Variants in DSCAML1 observed in about 807,000 individuals in gnomAD.
DSCAML1 encodes DS cell adhesion molecule like 1.
A neutral mutation model predicts 200.5 loss-of-function variants in DSCAML1; 38 were observed. The ratio of observed to expected loss-of-function variants is 0.19; its 90% confidence interval spans 0.15 to 0.25. The LOEUF (loss-of-function observed/expected upper bound fraction) is 0.25. DSCAML1 is among the 10% of genes least tolerant of loss of function. The pLI, the probability that DSCAML1 is intolerant of heterozygous loss-of-function variation, is 1.00. For synonymous variants in DSCAML1, 1,215 were observed against 1,165.0 expected, an observed-to-expected ratio of 1.04 and a Z score of -0.87; for missense variants, 2,223 against 2,858.8, an observed-to-expected ratio of 0.78 and a Z score of 5.07.
chr11:117,806,965 C>T (rs2055711494), intron 1 of DSCAML1, among the ~76,000 whole-genome samples: 1 of 152,236 alleles, frequency 6.6e-6, no homozygotes, highest in Non-Finnish European at 1.5e-5. Flanking sequence ...TACATAATTT[C>T]ATCCATTGAT....
In DSCAML1 at chr11:117,654,983, C is replaced by T. The variant is rs75136970; in HGVS notation, c.511+121808G>A. On this transcript the variant is annotated intron_variant, in intron 3 of 32. Coordinates refer to ENST00000651296, the MANE Select transcript of DSCAML1 (RefSeq NM_020693.4). ...CGAAACAGAAAACCCTCTGCCCACG[C>T]TTGTCTCCCAGCCCTGATGCCAGAT... Among the ~76,000 whole-genome samples, 363 of 152,354 alleles carry T rather than the reference C, an allele frequency of 2.4e-3. 1 individual carries two copies. Among genetic ancestry groups the T allele is most frequent in the African/African-American group, 8.4e-3 (350 of 41,580 alleles).
intron 3 of DSCAML1, among the ~76,000 whole-genome samples, chr11:117,612,430 T>C (rs1264246498): frequency 1.3e-5 from 2 of 152,188 alleles, no homozygotes; most frequent in Non-Finnish European, 2.9e-5. Flanking sequence ...TGCTTCCTTC[T>C]CCTGCCTCCC....
At chr11:117,666,989 T>C (rs778160475) in intron 3 of DSCAML1, among the ~76,000 whole-genome samples, 2 of 152,148 alleles carry the variant, frequency 1.3e-5, no homozygotes, top group African/African-American at 4.8e-5. Flanking sequence ...CAGGTGTTAG[T>C]GGCCTGGTCT....
At chr11:117,743,286 C>T (rs575425623) in intron 3 of DSCAML1, among the ~76,000 whole-genome samples, 110 of 152,230 alleles carry the variant, frequency 7.2e-4, no homozygotes, top group African/African-American at 2.5e-3. Context: ...AGCAAGGGTG[C>T]CCTGCAGGAA....
chr11:117,594,242 G>T (rs965585180), intron 3 of DSCAML1, among the ~76,000 whole-genome samples: 1 of 152,222 alleles, frequency 6.6e-6, no homozygotes. Context: ...GTCTCCTGTT[G>T]TTTCTCAGTG....
At chr11:117,622,108 C>A (rs1723638389) in intron 3 of DSCAML1, among the ~76,000 whole-genome samples, 1 of 152,080 alleles carries the variant, frequency 6.6e-6, no homozygotes, top group Non-Finnish European at 1.5e-5. Flanking sequence ...TGGATGTTTG[C>A]CAAAATGAGG....
chr11:117,458,213 C>T (rs927855785), intron 19 of DSCAML1, among the ~76,000 whole-genome samples: 1 of 152,130 alleles, frequency 6.6e-6, no homozygotes, highest in Non-Finnish European at 1.5e-5. Flanking sequence ...TGAGTCTGGC[C>T]CTCTGTCTCT....
At chr11:117,509,202 T>C (rs1309846046) in intron 8 of DSCAML1, among the ~76,000 whole-genome samples, 1 of 152,048 alleles carries the variant, frequency 6.6e-6, no homozygotes, top group Non-Finnish European at 1.5e-5. Context: ...TGGGGGTGAC[T>C]GCAGCTTCAT....
chr11:117,626,062 A>T (rs1414535313), intron 3 of DSCAML1, among the ~76,000 whole-genome samples: 1 of 152,212 alleles, frequency 6.6e-6, no homozygotes, highest in African/African-American at 2.4e-5. Context: ...GGTTTCCCAC[A>T]GGCCTCTGGG....
intron 3 of DSCAML1, among the ~76,000 whole-genome samples, chr11:117,720,180 C>G (rs74621718): frequency 0.039 from 5,919 of 152,216 alleles, 218 homozygotes; most frequent in African/African-American, 0.098. Flanking sequence ...GCCCGCACAG[C>G]CCACTCATAA....
chr11:117,777,235 G>A (rs140525033), intron 2 of DSCAML1, among the ~76,000 whole-genome samples: 360 of 152,230 alleles, frequency 2.4e-3, no homozygotes, highest in African/African-American at 8.1e-3. Flanking sequence ...TTCCCATTTC[G>A]GTATTAGCAA....
At chr11:117,656,347 G>A (rs2052734891) in intron 3 of DSCAML1, among the ~76,000 whole-genome samples, 1 of 152,208 alleles carries the variant, frequency 6.6e-6, no homozygotes, top group African/African-American at 2.4e-5. Context: ...TAGGAACTGA[G>A]CTCCTCTGAG....
At chr11:117,746,932 T>C (rs1200066921) in intron 3 of DSCAML1, among the ~76,000 whole-genome samples, 2 of 152,138 alleles carry the variant, frequency 1.3e-5, no homozygotes, top group African/African-American at 4.8e-5. Context: ...CAGCACAAAA[T>C]AACACTGGGT....
chr11:117,428,137 G>A lies in DSCAML1; in HGVS notation c.*191C>T, dbSNP rs1274743845. ...CAAATTCTTTGTGCCCTGGCTTCAT[G>A]GAGAAGAAGAAAATAGTTTCATTTG... On this transcript the variant is annotated 3_prime_UTR_variant, in exon 33 of 33. Coordinates refer to ENST00000651296, the MANE Select transcript of DSCAML1 (RefSeq NM_020693.4). 2 of 526,396 alleles carry A rather than the reference G, an allele frequency of 3.8e-6. No homozygotes were observed. Among genetic ancestry groups the A allele is most frequent in the Non-Finnish European group, 6.7e-6 (2 of 299,086 alleles). The allele number at this position is 526,396 out of a possible 1,614,324, so 32.6% of individuals were successfully genotyped here.
rs139906634 is a variant in DSCAML1 at position 117,716,329 on chromosome 11, A to T, written c.511+60462T>A. Among the ~76,000 whole-genome samples the T allele has an allele frequency of 2.0e-5, 3 of 152,270 alleles. No individual in the cohort carries two copies. In the East Asian group the frequency reaches 5.8e-4, roughly 29 times the overall value. ...AGTTACGTTCCCTCTCTGGGTCTTG[A>T]TTTCCTCATATTTGACCCTTTCTGA... On this transcript the variant is annotated intron_variant, in intron 3 of 32. Coordinates refer to ENST00000651296, the MANE Select transcript of DSCAML1 (RefSeq NM_020693.4).
chr11:117,710,297 C>T (rs2053824925), intron 3 of DSCAML1, among the ~76,000 whole-genome samples: 1 of 152,216 alleles, frequency 6.6e-6, no homozygotes, highest in Admixed American at 6.5e-5. Context: ...TCTCACTTCT[C>T]TGCACCATCT....
chr11:117,674,126 C>T (rs993070038), intron 3 of DSCAML1, among the ~76,000 whole-genome samples: 4 of 152,210 alleles, frequency 2.6e-5, no homozygotes, highest in Non-Finnish European at 5.9e-5. Context: ...ACTTACGTTG[C>T]CGGTACTAGT....
At chr11:117,644,388 G>T (rs1201889718) in intron 3 of DSCAML1, among the ~76,000 whole-genome samples, 1 of 152,238 alleles carries the variant, frequency 6.6e-6, no homozygotes, top group Non-Finnish European at 1.5e-5. Flanking sequence ...TGAGAGCCGA[G>T]GTGGGCAATG....
chr11:117,699,581 A>G (rs1365532189), intron 3 of DSCAML1, among the ~76,000 whole-genome samples: 1 of 152,108 alleles, frequency 6.6e-6, no homozygotes, highest in African/African-American at 2.4e-5. Flanking sequence ...ACCACCTTCC[A>G]CATCCACATG....
Sources: allele counts gnomAD v4.1 joint callset (sites outside exome capture counted in the v4.1 genomes callset), GRCh38; gene constraint gnomAD v4.1.1; transcripts MANE v1.5; gene names NCBI Gene and HGNC (gene_info 2026-07-23, HGNC 2026-07-21).